Variants in LRRD1 observed in about 807,000 individuals in gnomAD.
LRRD1 encodes leucine rich repeats and death domain containing 1.
A neutral mutation model predicts 69.5 loss-of-function variants in LRRD1; 49 were observed. That is an observed-to-expected ratio of 0.70 (90% CI 0.56 to 0.89). The LOEUF (loss-of-function observed/expected upper bound fraction) is 0.89, where lower values mean the gene tolerates loss of function less well. Among genes scored for constraint, LRRD1 ranks in the 40% least tolerant of loss-of-function variants. The pLI is 0.00. For synonymous variants in LRRD1, 303 were observed against 338.9 expected (o/e 0.89, Z 1.16); for missense variants, 853 against 956.0 (o/e 0.89, Z 1.42).
At position 92,163,991 on chromosome 7, in the gene LRRD1, A is replaced by G; in HGVS notation, c.1212T>C (p.Asp404=). 1 of 1,529,942 alleles carries G rather than the reference A, an allele frequency of 6.5e-7. No individual in the cohort carries two copies. Among genetic ancestry groups the G allele is most frequent in the South Asian group, 1.2e-5 (1 of 80,378 alleles). The allele number at this position is 1,529,942 out of a possible 1,614,324, so 94.8% of individuals were successfully genotyped here. Residue 404 remains aspartate (D), a synonymous_variant, in exon 2 of 6, where the codon GAT becomes GAC. Coordinates refer to ENST00000458448, the MANE Select transcript of LRRD1 (RefSeq NM_001161528.2). The stretch of plus-strand genomic sequence containing the variant: ...ACTTAGGGAGTTCTGTTAATTTATT[A>G]TCACTAAGACTAAGGCATTCCAACA... ...CAMLECLSLS[D]NKLTELPKYI...
chr7:92,147,180 C>T (rs967193741), intron 4 of LRRD1, among the ~76,000 whole-genome samples: 2 of 151,604 alleles, frequency 1.3e-5, no homozygotes, highest in African/African-American at 4.8e-5. Context: ...GATTCTCCTG[C>T]CTCAGCCTCC....
downstream of LRRD1, among the ~76,000 whole-genome samples, chr7:92,143,177 G>A (rs1001393074): frequency 1.4e-4 from 21 of 152,110 alleles, no homozygotes; most frequent in African/African-American, 5.1e-4. Context: ...TAGACACAGG[G>A]TGCTGATTGG....
rs1789140089 is a variant in LRRD1, at chr7:92,174,505, A to ATATG, written c.-75+4501_-75+4502insCATA. Among the ~76,000 whole-genome samples, 23 of 19,260 alleles carry ATATG rather than the reference A, an allele frequency of 1.2e-3. 1 individual carries two copies. The highest frequency in any genetic ancestry group is 1.2e-3 in the Non-Finnish European group (12 of 9,724). The allele number at this position is 19,260 out of a possible 152,430, so 12.6% of individuals were successfully genotyped here. ...TATATATATATATATATATATATAT[A>ATATG]TATATTTTTTTTTTTTTTTTTTTTT... On this transcript the variant is annotated intron_variant, in intron 1 of 5. Transcript: ENST00000458448.
intron 3 of LRRD1, among the ~76,000 whole-genome samples, chr7:92,153,345 G>A (rs1050474401): frequency 5.3e-5 from 8 of 152,226 alleles, no homozygotes; most frequent in East Asian, 3.9e-4. Context: ...GATTATAGGC[G>A]TGAGCCACCA....
chr7:92,175,171 T>C (rs1448684215), intron 1 of LRRD1, among the ~76,000 whole-genome samples: 3 of 152,242 alleles, frequency 2.0e-5, no homozygotes, highest in Non-Finnish European at 2.9e-5. Flanking sequence ...TTATCTGTTT[T>C]TACTATGGCT....
At chr7:92,153,126 G>A (rs969250437) in intron 3 of LRRD1, among the ~76,000 whole-genome samples, 1 of 152,144 alleles carries the variant, frequency 6.6e-6, no homozygotes, top group Non-Finnish European at 1.5e-5. Flanking sequence ...GTGCAGTGGT[G>A]TGATTTCAGC....
At chr7:92,147,571 A>G (rs1418136037) in intron 4 of LRRD1, among the ~76,000 whole-genome samples, 1 of 152,214 alleles carries the variant, frequency 6.6e-6, no homozygotes, top group African/African-American at 2.4e-5. Context: ...TTGAGAAACT[A>G]AGTTCACATC....
chr7:92,152,242 G>A (rs923762715), intron 3 of LRRD1, among the ~76,000 whole-genome samples: 2 of 150,434 alleles, frequency 1.3e-5, no homozygotes, highest in Non-Finnish European at 3.0e-5. Flanking sequence ...TAACATATAT[G>A]TTATAAATCA....
intron 3 of LRRD1, among the ~76,000 whole-genome samples, chr7:92,156,415 A>C (rs1788659037): frequency 6.6e-6 from 1 of 152,240 alleles, no homozygotes; most frequent in Non-Finnish European, 1.5e-5. Flanking sequence ...CTGACATATT[A>C]ACAATATTGT....
In LRRD1 at chr7:92,159,002, C is replaced by T. The variant is rs758974060; in HGVS notation, c.2116+3G>A. The T allele has an allele frequency of 6.2e-4, 950 of 1,534,484 alleles. No homozygotes were observed. The highest frequency in any genetic ancestry group is 7.8e-4 in the Non-Finnish European group (893 of 1,141,962). ...ATGCTTACTGATTATGCTTGACACT[C>T]ACCACTCAGGTTTAGTTGCTGCAGA... is the stretch of plus-strand genomic sequence containing the variant. On this transcript the variant is annotated splice_donor_region_variant and intron_variant, in intron 3 of 5. Transcript: ENST00000458448.
intron 1 of LRRD1, among the ~76,000 whole-genome samples, chr7:92,166,257 G>A (rs1445676207): frequency 2.0e-5 from 3 of 152,132 alleles, no homozygotes. Context: ...CTTAGGGTTG[G>A]TAGCTACTTC....
intron 2 of LRRD1, among the ~76,000 whole-genome samples, chr7:92,159,957 T>A (rs77470766): frequency 1.3e-5 from 2 of 152,166 alleles, no homozygotes; most frequent in Admixed American, 6.5e-5. Flanking sequence ...TGCGTTTTTT[T>A]AGATTTTCTA....
chr7:92,175,343 T>C (rs1789168926), intron 1 of LRRD1, among the ~76,000 whole-genome samples: 1 of 152,022 alleles, frequency 6.6e-6, no homozygotes, highest in Non-Finnish European at 1.5e-5. Flanking sequence ...TTGAGTAATT[T>C]GAGGAAACTT....
intron 1 of LRRD1, among the ~76,000 whole-genome samples, chr7:92,168,859 G>T (rs1007169829): frequency 6.6e-6 from 1 of 152,102 alleles, no homozygotes; most frequent in Non-Finnish European, 1.5e-5. Flanking sequence ...GGAATCAGTG[G>T]ATGACCCCAA....
chr7:92,158,203 C>A (rs1788708643), intron 3 of LRRD1, among the ~76,000 whole-genome samples: 1 of 151,940 alleles, frequency 6.6e-6, no homozygotes, highest in Admixed American at 6.6e-5. Flanking sequence ...TTTAAAGACA[C>A]TGCTGGCTGG....
intron 4 of LRRD1, 137 bp downstream of exon 4, chr7:92,150,397 C>G (rs979268845): frequency 6.0e-6 from 4 of 670,868 alleles, no homozygotes; most frequent in Non-Finnish European, 9.0e-6. Context: ...CCCAGGAGTC[C>G]GAGGCTGCAG....
downstream of LRRD1, among the ~76,000 whole-genome samples, chr7:92,144,187 G>A (rs1563187182): frequency 6.6e-6 from 1 of 152,162 alleles, no homozygotes; most frequent in Non-Finnish European, 1.5e-5. Context: ...TGGAGAAAAA[G>A]TAGGAATGGT....
intron 1 of LRRD1, among the ~76,000 whole-genome samples, chr7:92,168,574 T>C (rs1234230483): frequency 7.3e-5 from 11 of 151,202 alleles, no homozygotes; most frequent in Admixed American, 7.3e-4. Flanking sequence ...CCATCCAGAA[T>C]GCGTACTTGA....
chr7:92,172,370 G>T (rs1052970640), intron 1 of LRRD1, among the ~76,000 whole-genome samples: 1 of 151,992 alleles, frequency 6.6e-6, no homozygotes, highest in African/African-American at 2.4e-5. Context: ...AGAAGTAAAG[G>T]GTGTCCAAAT....
Sources: allele counts gnomAD v4.1 joint callset (sites outside exome capture counted in the v4.1 genomes callset), GRCh38; gene constraint gnomAD v4.1.1; transcripts MANE v1.5; gene names NCBI Gene and HGNC (gene_info 2026-07-23, HGNC 2026-07-21).